VPS45: variants seen among roughly 807,000 people sequenced by gnomAD.
VPS45 encodes the protein vacuolar protein sorting 45 homolog.
A neutral mutation model predicts 75.9 loss-of-function variants in VPS45; 35 were observed. The observed-to-expected ratio is 0.46, with a 90% CI of 0.35 to 0.61. The LOEUF is 0.61. VPS45 is among the 20% of genes least tolerant of loss of function. The pLI, the probability that VPS45 is intolerant of heterozygous loss-of-function variation, is 0.00. For synonymous variants in VPS45, 220 were observed against 238.2 expected (o/e 0.92, Z 0.70); for missense variants, 559 against 685.9 (o/e 0.81, Z 2.07).
chr1:150,096,550 C>T (rs1218695767), intron 13 of VPS45, among the ~76,000 whole-genome samples: 1 of 152,040 alleles, frequency 6.6e-6, no homozygotes, highest in African/African-American at 2.4e-5. Context: ...GAGTAATCCA[C>T]AGTGATGTTA....
At chr1:150,100,868 A>G (rs2101586805) in intron 13 of VPS45, among the ~76,000 whole-genome samples, 1 of 152,372 alleles carries the variant, frequency 6.6e-6, no homozygotes, top group East Asian at 1.9e-4. Context: ...ACCCAAAATT[A>G]TAAAAACCCT....
At chr1:150,111,894 A>T (rs979340150) in intron 14 of VPS45, among the ~76,000 whole-genome samples, 1 of 152,122 alleles carries the variant, frequency 6.6e-6, no homozygotes, top group African/African-American at 2.4e-5. Context: ...CTCATCGTAC[A>T]TTCTGTGTTT....
At chr1:150,106,730 A>T (rs1657346673) in intron 13 of VPS45, among the ~76,000 whole-genome samples, 1 of 152,102 alleles carries the variant, frequency 6.6e-6, no homozygotes, top group African/African-American at 2.4e-5. Flanking sequence ...TTCTTTTGTT[A>T]AATAATAAAT....
intron 2 of VPS45, among the ~76,000 whole-genome samples, chr1:150,070,345 A>T (rs181220022): frequency 1.3e-5 from 2 of 152,186 alleles, no homozygotes; most frequent in African/African-American, 4.8e-5. Context: ...ATGCTGTGTT[A>T]TAATAGTTTC....
intron 14 of VPS45, among the ~76,000 whole-genome samples, chr1:150,113,101 T>G (rs1429725855): frequency 6.6e-6 from 1 of 152,186 alleles, no homozygotes; most frequent in African/African-American, 2.4e-5. Context: ...AGGCTCCAAC[T>G]GTTTTCCCCA....
At chr1:150,120,151 G>A (rs1658159585) in intron 14 of VPS45, among the ~76,000 whole-genome samples, 2 of 152,016 alleles carry the variant, frequency 1.3e-5, no homozygotes, top group African/African-American at 4.8e-5. Context: ...GATTTATTCT[G>A]CATGCAAATT....
chr1:150,118,697 C>T (rs782348091), intron 14 of VPS45, among the ~76,000 whole-genome samples: 5 of 152,154 alleles, frequency 3.3e-5, no homozygotes, highest in Non-Finnish European at 7.4e-5. Flanking sequence ...TGAGCCACCG[C>T]ACCCGGCCTC....
intron 13 of VPS45, among the ~76,000 whole-genome samples, chr1:150,106,935 A>G (rs967153506): frequency 1.2e-4 from 19 of 152,118 alleles, no homozygotes; most frequent in Admixed American, 5.2e-4. Flanking sequence ...GGGACTCTCA[A>G]TTCCCACCTT....
chr1:150,099,010 T>G (rs1354294178), intron 13 of VPS45: 1 of 1,106,782 alleles, frequency 9.0e-7, no homozygotes, highest in African/African-American at 1.7e-5. Flanking sequence ...ATTTTTTGTT[T>G]CTGTGAAGCA....
At chr1:150,075,111 C>A (rs1571819258) in intron 3 of VPS45, among the ~76,000 whole-genome samples, 1 of 144,882 alleles carries the variant, frequency 6.9e-6, no homozygotes, top group South Asian at 2.2e-4. Context: ...TTTCAAATAA[C>A]CATTCAGCGT....
intron 14 of VPS45, among the ~76,000 whole-genome samples, chr1:150,139,500 T>C (rs587721433): frequency 7.9e-5 from 12 of 152,320 alleles, no homozygotes; most frequent in African/African-American, 2.9e-4. Context: ...GGATGTTTTT[T>C]ATGGTAGCAT....
intron 10 of VPS45, among the ~76,000 whole-genome samples, chr1:150,086,842 A>C (rs1656042970): frequency 6.6e-6 from 1 of 152,102 alleles, no homozygotes; most frequent in East Asian, 1.9e-4. Context: ...TCAGATCAGC[A>C]TGTGGAAGTC....
intron 14 of VPS45, among the ~76,000 whole-genome samples, chr1:150,141,048 G>A (rs781963491): frequency 1.4e-4 from 22 of 152,174 alleles, no homozygotes; most frequent in African/African-American, 2.4e-4. Context: ...ACTGCAAGCC[G>A]TGGAAGTTGA....
intron 1 of VPS45, chr1:150,068,162 C>A (rs1484824033): frequency 5.7e-6 from 3 of 522,690 alleles, no homozygotes; most frequent in East Asian, 6.3e-5. Flanking sequence ...CTACCCGGAA[C>A]AATTTATTGG....
At chr1:150,096,715 A>G (rs587600994) in intron 13 of VPS45, among the ~76,000 whole-genome samples, 24 of 152,350 alleles carry the variant, frequency 1.6e-4, no homozygotes, top group African/African-American at 4.8e-4. Flanking sequence ...TTTTGAAGGA[A>G]GAAGGCAAAG....
At chr1:150,070,722 T>C (rs587698703) in intron 2 of VPS45, among the ~76,000 whole-genome samples, 2 of 151,474 alleles carry the variant, frequency 1.3e-5, no homozygotes, top group South Asian at 4.2e-4. Context: ...GGCAGGAGAA[T>C]CGCTTGAACC....
At chr1:150,105,465 A>T (rs1553805504) in intron 13 of VPS45, among the ~76,000 whole-genome samples, 1 of 152,236 alleles carries the variant, frequency 6.6e-6, no homozygotes, top group East Asian at 1.9e-4. Context: ...TAACATTTTT[A>T]GGCACCAATA....
intron 14 of VPS45, among the ~76,000 whole-genome samples, chr1:150,143,219 G>T (rs1211566104): frequency 6.6e-6 from 1 of 152,178 alleles, no homozygotes; most frequent in Non-Finnish European, 1.5e-5. Flanking sequence ...TGACTTTTAT[G>T]ATTATGTATT....
At chr1:150,112,917 A>G (rs1657723384) in intron 14 of VPS45, among the ~76,000 whole-genome samples, 2 of 152,208 alleles carry the variant, frequency 1.3e-5, no homozygotes, top group South Asian at 4.1e-4. Context: ...AGGGCAAGGT[A>G]TAGGGGTGGG....
Sources: allele counts gnomAD v4.1 joint callset (sites outside exome capture counted in the v4.1 genomes callset), GRCh38; gene constraint gnomAD v4.1.1; transcripts MANE v1.5; gene names NCBI Gene and HGNC (gene_info 2026-07-23, HGNC 2026-07-21).